FBXO8: variants seen among roughly 807,000 people sequenced by gnomAD.
FBXO8 encodes F-box only protein 8.
In FBXO8, 15 loss-of-function variants were observed where a neutral mutation model predicts 33.4. The ratio of observed to expected loss-of-function variants is 0.45; its 90% CI spans 0.30 to 0.69. FBXO8 has a LOEUF of 0.69. Among genes scored for constraint, FBXO8 ranks in the 30% least tolerant of loss-of-function variants. The pLI is 0.08. For synonymous variants in FBXO8, 132 were observed against 131.5 expected, an observed-to-expected ratio of 1.00 and a Z score of -0.02; for missense variants, 274 against 380.3, an observed-to-expected ratio of 0.72 and a Z score of 2.32.
rs1432519399 is a variant in FBXO8 at position 174,275,801 on chromosome 4, GAATACATATGGATCA to G, written c.-9+7594_-9+7608del. On this transcript the variant is annotated intron_variant, in intron 1 of 5. Transcript: ENST00000393674. This position sits in a 1 kb window ranked among gnomAD's most constrained non-coding sequence, Gnocchi z 4.4. ...ATCATCTCTCACTTCAGGTAAATTT[GAATACATATGGATCA>G]AAAGAAGATGGAATTAAGGAATACA... is the stretch of plus-strand genomic sequence containing the variant. Among the ~76,000 whole-genome samples, 1 of 152,060 alleles carries G rather than the reference GAATACATATGGATCA, an allele frequency of 6.6e-6. No individual in the cohort carries two copies. The highest frequency in any genetic ancestry group is 1.5e-5 in the Non-Finnish European group (1 of 67,990).
At chr4:174,240,138 A>G (rs1319221166) in intron 4 of FBXO8, among the ~76,000 whole-genome samples, 2 of 141,068 alleles carry the variant, frequency 1.4e-5, no homozygotes, top group Non-Finnish European at 3.1e-5. Context: ...AATATTTACA[A>G]AAAAAAAAAA....
chr4:174,267,983 A>G lies in FBXO8; in HGVS notation c.-8-4883T>C, dbSNP rs1467758013. Among the ~76,000 whole-genome samples the G allele has an allele frequency of 3.9e-5, 6 of 152,228 alleles. No individual in the cohort carries two copies. Among genetic ancestry groups the G allele is most frequent in the Admixed American group, 3.9e-4 (6 of 15,284 alleles). ...ACTACAGCTTTATTTGTTCACTCAAAATAGGTGGAGAAAATAGATATTTAT... is the reference window on the plus strand; with the variant it reads ...ACTACAGCTTTATTTGTTCACTCAAGATAGGTGGAGAAAATAGATATTTAT... On this transcript the variant is annotated intron_variant, in intron 1 of 5. Coordinates refer to ENST00000393674, the MANE Select transcript of FBXO8 (RefSeq NM_012180.3). This position sits in a 1 kb window ranked among gnomAD's most constrained non-coding sequence, Gnocchi z 4.7.
rs940401641 is a variant in FBXO8 at position 174,257,220 on chromosome 4, C to A, written c.456+2479G>T. On this transcript the variant is annotated intron_variant, in intron 3 of 5. Coordinates refer to ENST00000393674, the MANE Select transcript of FBXO8 (RefSeq NM_012180.3). The surrounding 1 kb of genome is among the most constrained non-coding windows in gnomAD (Gnocchi z 4.3). Reference sequence around the variant, plus strand: ...AGCTTTTCCAAATTAGATATTTAAACCTATACATATAACATTTTAGCATAT... The same window carrying A: ...AGCTTTTCCAAATTAGATATTTAAAACTATACATATAACATTTTAGCATAT... 6.6e-6 allele frequency among the ~76,000 whole-genome samples: 1 copy of A among 152,014 alleles called. No homozygotes were observed. Among genetic ancestry groups the A allele is most frequent in the Non-Finnish European group, 1.5e-5 (1 of 67,986 alleles).
chr4:174,259,063 T>C lies in FBXO8; in HGVS notation c.456+636A>G, dbSNP rs1736481559. Reference sequence around the variant, plus strand: ...TAAACATTTCTGAAAATCTGAACTTTTCCATGACATAGTAAAATAAGAATA... The same window carrying C: ...TAAACATTTCTGAAAATCTGAACTTCTCCATGACATAGTAAAATAAGAATA... On this transcript the variant is annotated intron_variant, in intron 3 of 5. Transcript: ENST00000393674. This position sits in a 1 kb window ranked among gnomAD's most constrained non-coding sequence, Gnocchi z 4.3. 1.3e-5 allele frequency among the ~76,000 whole-genome samples: 2 copies of C among 151,920 alleles called. No individual in the cohort carries two copies. Among genetic ancestry groups the C allele is most frequent in the African/African-American group, 4.8e-5 (2 of 41,426 alleles).
chr4:174,279,042 A>G (rs770612612), intron 1 of FBXO8, among the ~76,000 whole-genome samples: 11 of 151,992 alleles, frequency 7.2e-5, no homozygotes, highest in Non-Finnish European at 1.0e-4. Flanking sequence ...ATAAAATTCC[A>G]TGGTTCCAAG....
rs1736318757 is a variant in FBXO8 at position 174,252,584 on chromosome 4, G to A, written c.456+7115C>T. Among the ~76,000 whole-genome samples the A allele has an allele frequency of 6.6e-6, 1 of 151,982 alleles. No individual in the cohort carries two copies. Among genetic ancestry groups the A allele is most frequent in the Admixed American group, 6.6e-5 (1 of 15,240 alleles). On this transcript the variant is annotated intron_variant, in intron 3 of 5. Transcript: ENST00000393674. The surrounding 1 kb of genome is among the most constrained non-coding windows in gnomAD (Gnocchi z 5.1). The stretch of plus-strand genomic sequence containing the variant: ...CTACCAGATGGCTGCACATGGTCAT[G>A]CCATTATATTCTCACATACCAATGC...
chr4:174,282,388 G>C (rs1367912559), intron 1 of FBXO8, among the ~76,000 whole-genome samples: 1 of 152,058 alleles, frequency 6.6e-6, no homozygotes, highest in East Asian at 1.9e-4. Context: ...TTTTAAGCTG[G>C]GGTAAATTTG....
rs1289194502 is a variant in FBXO8, at chr4:174,256,548, T to G, written c.456+3151A>C. 6.6e-6 allele frequency among the ~76,000 whole-genome samples: 1 copy of G among 152,186 alleles called. No individual in the cohort carries two copies. The highest frequency in any genetic ancestry group is 1.9e-4 in the East Asian group (1 of 5,200). On this transcript the variant is annotated intron_variant, in intron 3 of 5. Coordinates refer to ENST00000393674, the MANE Select transcript of FBXO8 (RefSeq NM_012180.3). The surrounding 1 kb of genome is among the most constrained non-coding windows in gnomAD (Gnocchi z 4.6). ...TCTTTCACTTACATGATTTCAATTT[T>G]GAATACTTGACTTGGTAAACAATTA...
At position 174,278,595 on chromosome 4, in the gene FBXO8, T is replaced by C. The variant is rs1424059561; in HGVS notation, c.-9+4815A>G. On this transcript the variant is annotated intron_variant, in intron 1 of 5. Coordinates refer to ENST00000393674, the MANE Select transcript of FBXO8 (RefSeq NM_012180.3). The surrounding 1 kb of genome is among the most constrained non-coding windows in gnomAD (Gnocchi z 4.1). ...TTCTCACTAGCATTATTTTTAATTA[T>C]ATGGTTCTTACTTAATTGTATCACT... Among the ~76,000 whole-genome samples, 2 of 152,130 alleles carry C rather than the reference T, an allele frequency of 1.3e-5. No homozygotes were observed. Among genetic ancestry groups the C allele is most frequent in the Non-Finnish European group, 2.9e-5 (2 of 67,970 alleles).
At chr4:174,282,984 TA>T (rs2126458186) in intron 1 of FBXO8, among the ~76,000 whole-genome samples, 1 of 152,316 alleles carries the variant, frequency 6.6e-6, no homozygotes, top group South Asian at 2.1e-4. Flanking sequence ...ATCGTGATCT[TA>T]ACTATACTTG....
In FBXO8 at chr4:174,267,139, T is replaced by C. The variant is rs1287665379; in HGVS notation, c.-8-4039A>G. 6.6e-6 allele frequency among the ~76,000 whole-genome samples: 1 copy of C among 152,204 alleles called. No homozygotes were observed. Among genetic ancestry groups the C allele is most frequent in the Non-Finnish European group, 1.5e-5 (1 of 68,022 alleles). On this transcript the variant is annotated intron_variant, in intron 1 of 5. Coordinates refer to ENST00000393674, the MANE Select transcript of FBXO8 (RefSeq NM_012180.3). This position sits in a 1 kb window ranked among gnomAD's most constrained non-coding sequence, Gnocchi z 4.7. ...ACCCAGCAACAACAACAAAAAACTC[T>C]AGAAAACAAAAAAAGGCTGTGTTGT...
intron 1 of FBXO8, among the ~76,000 whole-genome samples, chr4:174,280,296 T>C (rs1352401471): frequency 6.6e-6 from 1 of 151,976 alleles, no homozygotes; most frequent in Non-Finnish European, 1.5e-5. Flanking sequence ...GGGACCACCT[T>C]ATACCCATTA....
intron 3 of FBXO8, among the ~76,000 whole-genome samples, chr4:174,249,560 T>C (rs970790970): frequency 4.6e-5 from 7 of 151,954 alleles, no homozygotes; most frequent in African/African-American, 9.7e-5. Context: ...TATAAATATA[T>C]TTTAACAGCT....
chr4:174,253,332 G>A lies in FBXO8; in HGVS notation c.456+6367C>T, dbSNP rs1278806456. On this transcript the variant is annotated intron_variant, in intron 3 of 5. Coordinates refer to ENST00000393674, the MANE Select transcript of FBXO8 (RefSeq NM_012180.3). This position sits in a 1 kb window ranked among gnomAD's most constrained non-coding sequence, Gnocchi z 4.5. ...ACACTGTGTAGTAGTATTTCCCTCT[G>A]GTTATCAGGCTTAACCACTTCAATC... 6.6e-6 allele frequency among the ~76,000 whole-genome samples: 1 copy of A among 152,094 alleles called. No homozygotes were observed. Among genetic ancestry groups the A allele is most frequent in the Admixed American group, 6.6e-5 (1 of 15,260 alleles).
At chr4:174,258,925 TA>T (rs1736478315) in intron 3 of FBXO8, among the ~76,000 whole-genome samples, 1 of 152,024 alleles carries the variant, frequency 6.6e-6, no homozygotes, top group African/African-American at 2.4e-5. Context: ...TTAGGTAAAT[TA>T]AAATAATGCT....
chr4:174,268,393 C>G lies in FBXO8; in HGVS notation c.-8-5293G>C, dbSNP rs933681944. 2.0e-5 allele frequency among the ~76,000 whole-genome samples: 3 copies of G among 152,212 alleles called. No homozygotes were observed. The East Asian group carries it at 5.8e-4, about 29-fold the overall frequency. On this transcript the variant is annotated intron_variant, in intron 1 of 5. Transcript: ENST00000393674. The stretch of plus-strand genomic sequence containing the variant: ...CACAACACTTAGGAAAACTAGATAA[C>G]GCTTCTGCACTAGGCTTGGGGGCCA...
rs1167818042 is a variant in FBXO8, at chr4:174,272,563, T to C, written c.-8-9463A>G. On this transcript the variant is annotated intron_variant, in intron 1 of 5. Coordinates refer to ENST00000393674, the MANE Select transcript of FBXO8 (RefSeq NM_012180.3). This position sits in a 1 kb window ranked among gnomAD's most constrained non-coding sequence, Gnocchi z 4.7. ...ATCTGTGAGTCTACACTGATGATGA[T>C]CAATAAAAACATAAAGGAGAAGGAA... is the stretch of plus-strand genomic sequence containing the variant. 6.6e-6 allele frequency among the ~76,000 whole-genome samples: 1 copy of C among 152,122 alleles called. No individual in the cohort carries two copies. The highest frequency in any genetic ancestry group is 1.5e-5 in the Non-Finnish European group (1 of 68,032).
At chr4:174,242,679 A>G (rs1257194343) in intron 3 of FBXO8, among the ~76,000 whole-genome samples, 1 of 151,588 alleles carries the variant, frequency 6.6e-6, no homozygotes, top group East Asian at 1.9e-4. Flanking sequence ...TAAGATGGAA[A>G]GCCAAAATAC....
chr4:174,242,041 G>A (rs985612548), intron 3 of FBXO8, among the ~76,000 whole-genome samples: 34 of 151,468 alleles, frequency 2.2e-4, no homozygotes, highest in African/African-American at 6.3e-4. Context: ...AAATGTCTTC[G>A]CTGGATTTGA....
Sources: gnomAD v4.1 joint callset for allele counts (sites outside exome capture counted in the v4.1 genomes callset) on GRCh38, gnomAD v4.1.1 for gene constraint, Gnocchi (gnomAD v3.1) non-coding constraint, MANE v1.5 for transcripts, NCBI Gene and HGNC (gene_info 2026-07-23, HGNC 2026-07-21) for gene names.